OR52E8: variants seen among roughly 807,000 people sequenced by gnomAD.
OR52E8 encodes the protein olfactory receptor 52E8.
For synonymous variants in OR52E8, 167 were observed against 141.1 expected (o/e 1.18, Z -1.30); for missense variants, 451 against 383.9 (o/e 1.17, Z -1.46).
rs763809611 is a variant in OR52E8, at chr11:5,857,130, G to A, written c.561C>T (p.Ala187=). The part of the protein sequence containing the change: ...PHTYCEHMGI[A]RLACASIKVN... The stretch of plus-strand genomic sequence containing the variant: ...CTTTGATGCTGGCACAGGCCAGACG[G>A]GCAATGCCCATGTGCTCACAATAAG... Residue 187 remains alanine, a synonymous_variant, in exon 1 of 1, where the codon GCC becomes GCT. Coordinates refer to ENST00000537935, the MANE Select transcript of OR52E8 (RefSeq NM_001005168.3). 2 of 1,609,646 alleles carry A rather than the reference G, an allele frequency of 1.2e-6. No homozygotes were observed. The highest frequency in any genetic ancestry group is 1.1e-5 in the South Asian group (1 of 91,070).
chr11:5,856,976 G>A lies in OR52E8; in HGVS notation c.715C>T (p.Leu239Phe), dbSNP rs200744857. 5.6e-6 allele frequency: 9 copies of A among 1,605,968 alleles called. No homozygotes were observed. The East Asian group carries it at 1.1e-4, about 20-fold the overall frequency. Residue 239 changes from leucine (L) to phenylalanine (F), a missense_variant, in exon 1 of 1, where the codon CTC (leucine) becomes TTC (phenylalanine). By Grantham distance (22) the Leu-to-Phe change is conservative (BLOSUM62 0). Coordinates refer to ENST00000537935, the MANE Select transcript of OR52E8 (RefSeq NM_001005168.3). ...CCAATATGAGAACCACAGGTGTTGAGAGCTTTGAGTCGAGCTTCCCAGGAG... is the reference window on the plus strand; with the variant it reads ...CCAATATGAGAACCACAGGTGTTGAAAGCTTTGAGTCGAGCTTCCCAGGAG... ...LPSWEARLKA[L>F]NTCGSHIGVI...
rs759190201 is a variant in OR52E8, at chr11:5,857,059, T to A, written c.632A>T (p.Asp211Val). Residue 211 changes from aspartate to valine, a missense_variant, in exon 1 of 1, where the codon GAT (aspartate) becomes GTT (valine). By Grantham distance (152) the Asp-to-Val change is radical. Coordinates refer to ENST00000537935, the MANE Select transcript of OR52E8 (RefSeq NM_001005168.3). ...GLGNISLLLL[D>V]VILIILSYVR... ...ATAGGAGAGAATAATAAGGATAACA[T>A]CCAGTAACAAGAGAGATATGTTGCC... The A allele has an allele frequency of 1.9e-6, 3 of 1,607,836 alleles. No individual in the cohort carries two copies. Among genetic ancestry groups the A allele is most frequent in the South Asian group, 2.2e-5 (2 of 91,028 alleles).
chr11:5,857,198 G>T lies in OR52E8; in HGVS notation c.493C>A (p.Leu165Ile). ...TGCCCACAGAAGGGCAGCCTCAGAA[G>T]GAGAAACACCAGTGGAACAACCATG... is the stretch of plus-strand genomic sequence containing the variant. ...LYMVVPLVFL[L>I]LRLPFCGHRI... Residue 165 changes from leucine (L) to isoleucine (I), a missense_variant, in exon 1 of 1, where the codon CTT (leucine) becomes ATT (isoleucine). Leu to Ile is a conservative substitution (Grantham distance 5). Transcript: ENST00000537935. 6.2e-7 allele frequency: 1 copy of T among 1,609,982 alleles called. No homozygotes were observed. Among genetic ancestry groups the T allele is most frequent in the Non-Finnish European group, 8.5e-7 (1 of 1,179,894 alleles).
Position 5,857,438 on chromosome 11 carries a change from C to A in OR52E8, c.253G>T (p.Gly85Cys). 1 of 1,610,026 alleles carries A rather than the reference C, an allele frequency of 6.2e-7. No individual in the cohort carries two copies. The highest frequency in any genetic ancestry group is 8.5e-7 in the Non-Finnish European group (1 of 1,179,850). Reference protein sequence around the residue: ...LSTATIPKMLGIFWFNTKEIS... With the variant: ...LSTATIPKMLCIFWFNTKEIS... ...TCTTTGGTATTGAACCAGAAGATGC[C>A]CAACATTTTGGGGATGGTGGCTGTA... is the stretch of plus-strand genomic sequence containing the variant. Residue 85 changes from glycine (G) to cysteine (C), a missense_variant, in exon 1 of 1, where the codon GGC becomes TGC. Transcript: ENST00000537935.
Position 5,857,406 on chromosome 11 carries a change from A to G in OR52E8, c.285T>C (p.Ser95=), listed in dbSNP as rs1341446044. 1 of 1,610,228 alleles carries G rather than the reference A, an allele frequency of 6.2e-7. No individual in the cohort carries two copies. The highest frequency in any genetic ancestry group is 8.5e-7 in the Non-Finnish European group (1 of 1,179,884). Residue 95 remains serine (S), a synonymous_variant, in exon 1 of 1, where the codon TCT becomes TCC. Coordinates refer to ENST00000537935, the MANE Select transcript of OR52E8 (RefSeq NM_001005168.3). ...GIFWFNTKEI[S]FGGCLSHMFF... The stretch of plus-strand genomic sequence containing the variant: ...ACATGTGAGAAAGGCAGCCTCCAAA[A>G]GATATTTCTTTGGTATTGAACCAGA...
Position 5,856,847 on chromosome 11 carries a change from C to T in OR52E8, c.844G>A (p.Val282Met), listed in dbSNP as rs769995304. Reference sequence around the variant, plus strand: ...GGATTGAGGGCTGGTGGGACAACCACATACAGGTTGGCTAATATAATATGT... The same window carrying T: ...GGATTGAGGGCTGGTGGGACAACCATATACAGGTTGGCTAATATAATATGT... ...YIHIILANLY[V>M]VVPPALNPVI... is the part of the protein sequence containing the mutation. The change falls in exon 1 of 1, where the codon GTG (valine) becomes ATG (methionine). Residue 282 changes from valine to methionine, a missense_variant. Coordinates refer to ENST00000537935, the MANE Select transcript of OR52E8 (RefSeq NM_001005168.3). 1 of 1,607,660 alleles carries T rather than the reference C, an allele frequency of 6.2e-7. No individual in the cohort carries two copies. The highest frequency in any genetic ancestry group is 1.7e-5 in the Admixed American group (1 of 59,674).
In OR52E8 at chr11:5,857,143, T is replaced by G. The variant is rs1252047088; in HGVS notation, c.548A>C (p.His183Pro). The change falls in exon 1 of 1, where the codon CAC (histidine) becomes CCC (proline). Residue 183 changes from histidine to proline, a missense_variant. Transcript: ENST00000537935. ...HRIIPHTYCE[H>P]MGIARLACAS... The stretch of plus-strand genomic sequence containing the variant: ...ACAGGCCAGACGGGCAATGCCCATG[T>G]GCTCACAATAAGTATGAGGGATGAT... 2 of 1,609,704 alleles carry G rather than the reference T, an allele frequency of 1.2e-6. No individual in the cohort carries two copies. The highest frequency in any genetic ancestry group is 8.5e-7 in the Non-Finnish European group (1 of 1,179,904).
chr11:5,857,376 G>T lies in OR52E8; in HGVS notation c.315C>A (p.Phe105Leu), dbSNP rs754251383. 24 of 1,610,192 alleles carry T rather than the reference G, an allele frequency of 1.5e-5. No homozygotes were observed. Among genetic ancestry groups the T allele is most frequent in the Non-Finnish European group, 1.9e-5 (23 of 1,179,916 alleles). ...SFGGCLSHMF[F>L]IHFFTAMESI... ...TCTCCATAGCAGTGAAGAAATGGATGAAGAACATGTGAGAAAGGCAGCCTC... is the reference window on the plus strand; with the variant it reads ...TCTCCATAGCAGTGAAGAAATGGATTAAGAACATGTGAGAAAGGCAGCCTC... The change falls in exon 1 of 1, where the codon TTC (phenylalanine) becomes TTA (leucine). Residue 105 changes from phenylalanine to leucine, a missense_variant. Transcript: ENST00000537935.
At position 5,856,821 on chromosome 11, in the gene OR52E8, A is replaced by C; in HGVS notation, c.870T>G (p.Pro290=). Residue 290 remains proline, a synonymous_variant, in exon 1 of 1, where the codon CCT becomes CCG. Coordinates refer to ENST00000537935, the MANE Select transcript of OR52E8 (RefSeq NM_001005168.3). ...GCTTTGTCCTGACTCCATAGATTACAGGATTGAGGGCTGGTGGGACAACCA... is the reference window on the plus strand; with the variant it reads ...GCTTTGTCCTGACTCCATAGATTACCGGATTGAGGGCTGGTGGGACAACCA... The part of the protein sequence containing the change: ...LYVVVPPALN[P]VIYGVRTKQI... 1 of 1,606,036 alleles carries C rather than the reference A, an allele frequency of 6.2e-7. No homozygotes were observed. The highest frequency in any genetic ancestry group is 1.4e-5 in the African/African-American group (1 of 69,920).
In OR52E8 at chr11:5,857,607, C is replaced by A; in HGVS notation, c.84G>T (p.Trp28Cys). The change falls in exon 1 of 1, where the codon TGG becomes TGT. Residue 28 changes from tryptophan to cysteine, a missense_variant. Coordinates refer to ENST00000537935, the MANE Select transcript of OR52E8 (RefSeq NM_001005168.3). ...ACACAAAGAAAAAAGGGACTCCAATCCAAATGTGCACATCTTCTAGCCCTG... is the reference window on the plus strand; with the variant it reads ...ACACAAAGAAAAAAGGGACTCCAATACAAATGTGCACATCTTCTAGCCCTG... ...GIPGLEDVHI[W>C]IGVPFFFVYL... 1 of 1,609,434 alleles carries A rather than the reference C, an allele frequency of 6.2e-7. No individual in the cohort carries two copies. Among genetic ancestry groups the A allele is most frequent in the Non-Finnish European group, 8.5e-7 (1 of 1,179,758 alleles).
At position 5,857,039 on chromosome 11, in the gene OR52E8, A is replaced by C. The variant is rs948449817; in HGVS notation, c.652T>G (p.Ser218Ala). 2.5e-6 allele frequency: 4 copies of C among 1,608,132 alleles called. No individual in the cohort carries two copies. Among genetic ancestry groups the C allele is most frequent in the Non-Finnish European group, 1.7e-6 (2 of 1,179,696 alleles). Residue 218 changes from serine (S) to alanine (A), a missense_variant, in exon 1 of 1, where the codon TCC becomes GCC. By Grantham distance (99) the Ser-to-Ala change is moderately conservative. Transcript: ENST00000537935. ...ACAGCATACAGGATCCTGACATAGG[A>C]GAGAATAATAAGGATAACATCCAGT... ...LLLDVILIIL[S>A]YVRILYAVFC...
chr11:5,857,537 G>A lies in OR52E8; in HGVS notation c.154C>T (p.Gln52Ter). 6.2e-7 allele frequency: 1 copy of A among 1,609,466 alleles called. No individual in the cohort carries two copies. The highest frequency in any genetic ancestry group is 8.5e-7 in the Non-Finnish European group (1 of 1,179,772). Residue 52 changes from glutamine (Q) to a stop codon, truncating the protein, a stop_gained, in exon 1 of 1, where the codon CAG becomes TAG. Transcript: ENST00000537935. LOFTEE classifies it low-confidence loss of function (END_TRUNC). ...LGNTALLFVI[Q>*]TEQSLHEPMY... ...GGCTCATGGAGACTCTGCTCAGTCT[G>A]GATCACAAACAAGAGAGCAGTGTTT...
In OR52E8 at chr11:5,857,278, A is replaced by C. The variant is rs992981849; in HGVS notation, c.413T>G (p.Leu138Arg). ...ICKPLRYTMI[L>R]TSKIISLIAG... ...AATGAGGCTGATGATTTTGCTGGTG[A>C]GGATCATGGTGTACCGAAGAGGTTT... is the stretch of plus-strand genomic sequence containing the variant. The change falls in exon 1 of 1, where the codon CTC becomes CGC. Residue 138 changes from leucine to arginine, a missense_variant. Coordinates refer to ENST00000537935, the MANE Select transcript of OR52E8 (RefSeq NM_001005168.3). The C allele has an allele frequency of 6.2e-7, 1 of 1,610,186 alleles. No homozygotes were observed. The highest frequency in any genetic ancestry group is 1.4e-5 in the African/African-American group (1 of 71,412).
Position 5,857,320 on chromosome 11 carries a change from C to G in OR52E8, c.371G>C (p.Arg124Pro), listed in dbSNP as rs201800368. ...AAGAGGTTTGCAAATGGCAATGTAGCGGTCAAAGGCCATGGCCACCAACAC... is the reference window on the plus strand; with the variant it reads ...AAGAGGTTTGCAAATGGCAATGTAGGGGTCAAAGGCCATGGCCACCAACAC... ...SIVLVAMAFD[R>P]YIAICKPLRY... The change falls in exon 1 of 1, where the codon CGC (arginine) becomes CCC (proline). Residue 124 changes from arginine (R) to proline (P), a missense_variant. Transcript: ENST00000537935. The G allele has an allele frequency of 3.1e-5, 50 of 1,610,244 alleles. 1 individual carries two copies. In the East Asian group the frequency reaches 1.0e-3, roughly 34 times the overall value.
rs1220660312 is a variant in OR52E8, at chr11:5,856,977, A to G, written c.714T>C (p.Ala238=). The change falls in exon 1 of 1, where the codon GCT becomes GCC. Residue 238 remains alanine, a synonymous_variant. Coordinates refer to ENST00000537935, the MANE Select transcript of OR52E8 (RefSeq NM_001005168.3). ...CLPSWEARLK[A]LNTCGSHIGV... ...CAATATGAGAACCACAGGTGTTGAG[A>G]GCTTTGAGTCGAGCTTCCCAGGAGG... 1.2e-6 allele frequency: 2 copies of G among 1,605,778 alleles called. No homozygotes were observed. The highest frequency in any genetic ancestry group is 1.7e-6 in the Non-Finnish European group (2 of 1,178,678).
chr11:5,857,500 A>T lies in OR52E8; in HGVS notation c.191T>A (p.Phe64Tyr), dbSNP rs141598982. 1.9e-6 allele frequency: 3 copies of T among 1,609,778 alleles called. No homozygotes were observed. Among genetic ancestry groups the T allele is most frequent in the Middle Eastern group, 1.6e-4 (1 of 6,082 alleles). Residue 64 changes from phenylalanine (F) to tyrosine (Y), a missense_variant, in exon 1 of 1, where the codon TTC becomes TAC. By Grantham distance (22) the Phe-to-Tyr change is conservative. Coordinates refer to ENST00000537935, the MANE Select transcript of OR52E8 (RefSeq NM_001005168.3). ...GTCAATGGAATCCAACATGGCCAGG[A>T]AGTAGTACATAGGCTCATGGAGACT... ...EQSLHEPMYY[F>Y]LAMLDSIDLG...
In OR52E8 at chr11:5,857,229, G is replaced by A. The variant is rs753051339; in HGVS notation, c.462C>T (p.Ser154=). Residue 154 remains serine, a synonymous_variant, in exon 1 of 1, where the codon AGC becomes AGT. Transcript: ENST00000537935. ...ACACCAGTGGAACAACCATGTACAG[G>A]CTCCTCAGGACAGCAATGCCTGCAA... ...SLIAGIAVLR[S]LYMVVPLVFL... 1 of 1,609,916 alleles carries A rather than the reference G, an allele frequency of 6.2e-7. No individual in the cohort carries two copies. The highest frequency in any genetic ancestry group is 1.4e-5 in the African/African-American group (1 of 71,240).
Position 5,857,225 on chromosome 11 carries a change from A to G in OR52E8, c.466T>C (p.Tyr156His). ...IAGIAVLRSL[Y>H]MVVPLVFLLL... ...AGAAACACCAGTGGAACAACCATGT[A>G]CAGGCTCCTCAGGACAGCAATGCCT... Residue 156 changes from tyrosine (Y) to histidine (H), a missense_variant, in exon 1 of 1, where the codon TAC becomes CAC. Physicochemically the swap from Tyr to His is moderately conservative, Grantham distance 83 (BLOSUM62 2). Transcript: ENST00000537935. The G allele has an allele frequency of 1.2e-6, 2 of 1,609,984 alleles. No individual in the cohort carries two copies. Among genetic ancestry groups the G allele is most frequent in the Non-Finnish European group, 1.7e-6 (2 of 1,179,902 alleles).
Position 5,856,774 on chromosome 11 carries a change from C to A in OR52E8, c.917G>T (p.Arg306Met). 1.3e-6 allele frequency: 2 copies of A among 1,561,976 alleles called. No individual in the cohort carries two copies. The highest frequency in any genetic ancestry group is 1.7e-6 in the Non-Finnish European group (2 of 1,158,270). ...RTKQIRERVL[R>M]IFLKTNH is the part of the protein sequence containing the mutation. ...TTAGTGATTGGTCTTGAGAAAAATC[C>A]TCAGCACTCTCTCTCGAATCTGCTT... Residue 306 changes from arginine to methionine, a missense_variant, in exon 1 of 1, where the codon AGG becomes ATG. Coordinates refer to ENST00000537935, the MANE Select transcript of OR52E8 (RefSeq NM_001005168.3).
Sources: allele counts gnomAD v4.1 joint callset, GRCh38; gene constraint gnomAD v4.1.1; transcripts MANE v1.5; gene names NCBI Gene and HGNC (gene_info 2026-07-23, HGNC 2026-07-21).